INTU: variants seen among roughly 807,000 people sequenced by gnomAD.
The protein encoded by INTU is protein inturned.
In INTU, 68 loss-of-function variants were observed where a neutral mutation model predicts 100.5. The ratio of observed to expected loss-of-function variants is 0.68; its 90% confidence interval spans 0.56 to 0.83. The LOEUF is 0.83. Among genes scored for constraint, INTU ranks in the 40% least tolerant of loss-of-function variants. The pLI is 0.00. For missense variants in INTU, 1,071 were observed against 1,114.7 expected (o/e 0.96, Z 0.56); for synonymous variants, 357 against 395.7 (o/e 0.90, Z 1.16).
chr4:127,662,336 C>T (rs1728512087), intron 3 of INTU, among the ~76,000 whole-genome samples: 1 of 152,040 alleles, frequency 6.6e-6, no homozygotes, highest in South Asian at 2.1e-4. Context: ...GAGTCTTAGT[C>T]ATAAATTCTT....
At chr4:127,712,267 G>A (rs1731121286) in intron 14 of INTU, among the ~76,000 whole-genome samples, 1 of 152,094 alleles carries the variant, frequency 6.6e-6, no homozygotes, top group African/African-American at 2.4e-5. Context: ...TCTGTGTCTT[G>A]TAGGATTTTT....
chr4:127,695,310 C>A (rs1160125240), intron 8 of INTU, among the ~76,000 whole-genome samples: 2 of 152,086 alleles, frequency 1.3e-5, no homozygotes, highest in Non-Finnish European at 2.9e-5. Flanking sequence ...TATAGGAAAG[C>A]AATTGACTTC....
intron 1 of INTU, among the ~76,000 whole-genome samples, chr4:127,636,807 C>T (rs1184552348): frequency 6.6e-6 from 1 of 152,156 alleles, no homozygotes; most frequent in African/African-American, 2.4e-5. Context: ...TTCATTTAGA[C>T]TCATGATGCC....
At position 127,722,916 on chromosome 4, in the gene INTU, C is replaced by T. The variant is rs1731367734; in HGVS notation, c.*6480C>T. The T allele has an allele frequency of 6.6e-6, 1 of 152,412 alleles. No individual in the cohort carries two copies. Among genetic ancestry groups the T allele is most frequent in the East Asian group, 1.9e-4 (1 of 5,194 alleles). 9.4% of individuals were successfully genotyped at this position (152,412 alleles called of 1,614,324 possible). On this transcript the variant is annotated 3_prime_UTR_variant, in exon 16 of 16. Coordinates refer to ENST00000335251, the MANE Select transcript of INTU (RefSeq NM_015693.4). Reference sequence around the variant, plus strand: ...GCTGCTTGGCTCCCTGGCTTCAGCCCCCTCCCCATGAGAGTGGACAGATCT... The same window carrying T: ...GCTGCTTGGCTCCCTGGCTTCAGCCTCCTCCCCATGAGAGTGGACAGATCT...
At chr4:127,655,872 G>A (rs1237598360) in intron 2 of INTU, among the ~76,000 whole-genome samples, 3 of 152,242 alleles carry the variant, frequency 2.0e-5, no homozygotes, top group East Asian at 1.9e-4. Flanking sequence ...AGCAATCAGC[G>A]AGACTCCGTG....
rs1160403713 is a variant in INTU, at chr4:127,717,457, A to C, written c.*1021A>C. On this transcript the variant is annotated 3_prime_UTR_variant, in exon 16 of 16. Transcript: ENST00000335251. ...AGTGCTTCAATGAACATATGTGTGCATATATATTTGTAATTGAATGATTTA... is the reference window on the plus strand; with the variant it reads ...AGTGCTTCAATGAACATATGTGTGCCTATATATTTGTAATTGAATGATTTA... 2.0e-5 allele frequency: 3 copies of C among 152,196 alleles called. No homozygotes were observed. The highest frequency in any genetic ancestry group is 4.8e-5 in the African/African-American group (2 of 41,452). The allele number at this position is 152,196 out of a possible 1,614,324, so 9.4% of individuals were successfully genotyped here.
intron 8 of INTU, among the ~76,000 whole-genome samples, chr4:127,692,502 A>G (rs1368199562): frequency 6.6e-6 from 1 of 152,134 alleles, no homozygotes; most frequent in Admixed American, 6.5e-5. Context: ...CCTTTGTCAG[A>G]TGTATAGATT....
At chr4:127,662,565 A>T (rs918863667) in intron 3 of INTU, among the ~76,000 whole-genome samples, 2 of 152,162 alleles carry the variant, frequency 1.3e-5, no homozygotes, top group African/African-American at 4.8e-5. Context: ...TTTTCCAAGG[A>T]TAGGTAATTT....
rs769795429 is a variant in INTU at position 127,716,402 on chromosome 4, T to C, written c.2795T>C (p.Ile932Thr). 2.5e-6 allele frequency: 4 copies of C among 1,594,484 alleles called. No homozygotes were observed. The highest frequency in any genetic ancestry group is 3.4e-6 in the Non-Finnish European group (4 of 1,170,014). ...HDSVTEIAIE[I>T]AFKLFFGLTL Reference sequence around the variant, plus strand: ...TCAGTCACAGAAATTGCCATTGAAATAGCTTTTAAATTGTTCTTTGGGTTA... The same window carrying C: ...TCAGTCACAGAAATTGCCATTGAAACAGCTTTTAAATTGTTCTTTGGGTTA... The change falls in exon 16 of 16, where the codon ATA (isoleucine) becomes ACA (threonine). Residue 932 changes from isoleucine to threonine, a missense_variant. Transcript: ENST00000335251.
Position 127,644,063 on chromosome 4 carries a change from G to T in INTU, c.682+7G>T, listed in dbSNP as rs1227739451. ...AGCGGTCAGGTACTCATTGGTAAGTGTTGCTGGTACACATCCATCCCTGTT... is the reference window on the plus strand; with the variant it reads ...AGCGGTCAGGTACTCATTGGTAAGTTTTGCTGGTACACATCCATCCCTGTT... On this transcript the variant is annotated splice_region_variant and intron_variant, in intron 2 of 15. Coordinates refer to ENST00000335251, the MANE Select transcript of INTU (RefSeq NM_015693.4). The T allele has an allele frequency of 6.2e-7, 1 of 1,607,434 alleles. No individual in the cohort carries two copies. The highest frequency in any genetic ancestry group is 8.5e-7 in the Non-Finnish European group (1 of 1,175,756).
chr4:127,696,895 A>G (rs1002133701), intron 8 of INTU, among the ~76,000 whole-genome samples: 2 of 152,096 alleles, frequency 1.3e-5, no homozygotes, highest in African/African-American at 4.8e-5. Flanking sequence ...TTTTAGTTCA[A>G]AATATTTTAA....
intron 2 of INTU, among the ~76,000 whole-genome samples, chr4:127,653,835 C>CATT (rs975645700): frequency 1.3e-5 from 2 of 151,702 alleles, no homozygotes; most frequent in African/African-American, 4.9e-5. Flanking sequence ...TAAAGTCTCC[C>CATT]ATTATTAATG....
At chr4:127,671,778 G>C (rs1254126870) in intron 5 of INTU, among the ~76,000 whole-genome samples, 1 of 151,568 alleles carries the variant, frequency 6.6e-6, no homozygotes, top group Non-Finnish European at 1.5e-5. Flanking sequence ...GAATAAAAAA[G>C]AACAAATAAA....
chr4:127,638,574 G>A (rs542121917), intron 1 of INTU, among the ~76,000 whole-genome samples: 13 of 152,208 alleles, frequency 8.5e-5, no homozygotes, highest in East Asian at 5.8e-4. Context: ...TTTTGAATAC[G>A]TCAGGAATGA....
intron 15 of INTU, among the ~76,000 whole-genome samples, chr4:127,714,922 T>G (rs890737581): frequency 1.3e-5 from 2 of 152,108 alleles, no homozygotes; most frequent in African/African-American, 4.8e-5. Flanking sequence ...GTGGGCGGTA[T>G]GGCAAACACA....
chr4:127,649,860 A>G (rs576841150), intron 2 of INTU, among the ~76,000 whole-genome samples: 5 of 152,158 alleles, frequency 3.3e-5, no homozygotes, highest in Non-Finnish European at 5.9e-5. Flanking sequence ...TCAATTTCCT[A>G]ATAATATATT....
intron 9 of INTU, 51 bp downstream of exon 9, chr4:127,700,114 A>G (rs891278001): frequency 7.4e-6 from 10 of 1,350,520 alleles, no homozygotes; most frequent in African/African-American, 2.9e-5. Flanking sequence ...ATTATTTTGT[A>G]TAACAGTCAT....
At chr4:127,691,980 A>ATATATATATATATATATATATATATG (rs971919620) in intron 8 of INTU, among the ~76,000 whole-genome samples, 1 of 143,412 alleles carries the variant, frequency 7.0e-6, no homozygotes, top group Admixed American at 7.0e-5. Context: ...ATATATATAT[A>ATATATATATATATATATATATATATG]TGTCACATTT....
At chr4:127,708,450 T>C in intron 12 of INTU, 121 bp from the exon 13 acceptor site, 1 of 603,124 alleles carries the variant, frequency 1.7e-6, no homozygotes, top group Non-Finnish European at 3.0e-6. Flanking sequence ...ATCAAAAATA[T>C]TTAAAGGAAG....
Sources: gnomAD v4.1 joint callset for allele counts (sites outside exome capture counted in the v4.1 genomes callset) on GRCh38, gnomAD v4.1.1 for gene constraint, MANE v1.5 for transcripts, NCBI Gene and HGNC (gene_info 2026-07-23, HGNC 2026-07-21) for gene names.